PDE5A: variants seen among roughly 807,000 people sequenced by gnomAD.
The protein encoded by PDE5A is cGMP-specific 3',5'-cyclic phosphodiesterase.
PDE5A carries 67 observed loss-of-function variants against 110.2 expected under a neutral mutation model. The ratio of observed to expected loss-of-function variants is 0.61; its 90% CI spans 0.50 to 0.75. PDE5A has a LOEUF of 0.75. Among genes scored for constraint, PDE5A ranks in the 30% least tolerant of loss-of-function variants. PDE5A has a pLI of 0.00. For missense variants in PDE5A, 862 were observed against 1,045.1 expected (o/e 0.82, Z 2.42); for synonymous variants, 328 against 351.2 (o/e 0.93, Z 0.74).
intron 2 of PDE5A, among the ~76,000 whole-genome samples, chr4:119,604,580 A>C (rs1406843896): frequency 6.6e-6 from 1 of 152,216 alleles, no homozygotes; most frequent in Non-Finnish European, 1.5e-5. Flanking sequence ...GAGATACTCT[A>C]TGAAGACCAG....
At chr4:119,570,699 T>G (rs1269007248) in intron 3 of PDE5A, among the ~76,000 whole-genome samples, 1 of 152,056 alleles carries the variant, frequency 6.6e-6, no homozygotes, top group Non-Finnish European at 1.5e-5. Flanking sequence ...CATACATCAA[T>G]CCCAATACAT....
At chr4:119,539,167 A>G (rs1458837679) in intron 10 of PDE5A, 148 bp from the exon 11 acceptor site, 4 of 670,964 alleles carry the variant, frequency 6.0e-6, no homozygotes, top group Non-Finnish European at 1.1e-5. Context: ...TTTCTTCAAC[A>G]GTGAAAAACC....
At position 119,498,742 on chromosome 4, in the gene PDE5A, A is replaced by C. The variant is rs201183225; in HGVS notation, c.2491-4T>G. ...CCTCTGACACGTGGGTCAGGGCCTA[A>C]AGAGAAAAAAGAAAGCAAACAGCTA... On this transcript the variant is annotated splice_region_variant and splice_polypyrimidine_tract_variant and intron_variant, in intron 20 of 20. Transcript: ENST00000354960. 4.7e-5 allele frequency: 76 copies of C among 1,613,672 alleles called. No homozygotes were observed. The highest frequency in any genetic ancestry group is 6.0e-5 in the Non-Finnish European group (71 of 1,179,832).
chr4:119,521,555 T>TG (rs1392887966), intron 12 of PDE5A, among the ~76,000 whole-genome samples: 1 of 151,912 alleles, frequency 6.6e-6, no homozygotes, highest in East Asian at 1.9e-4. Context: ...TGCAAGGCCC[T>TG]GGGGGTGGAC....
chr4:119,508,656 C>T (rs1449808453), intron 15 of PDE5A, among the ~76,000 whole-genome samples: 1 of 151,958 alleles, frequency 6.6e-6, no homozygotes, highest in East Asian at 1.9e-4. Flanking sequence ...CAACCATAAA[C>T]ATTATTTTTA....
At chr4:119,516,669 C>T (rs897284833) in intron 14 of PDE5A, among the ~76,000 whole-genome samples, 8 of 152,046 alleles carry the variant, frequency 5.3e-5, no homozygotes, top group African/African-American at 1.4e-4. Flanking sequence ...CCCAGGCTGG[C>T]ATCAGTGGCG....
In PDE5A at chr4:119,565,209, A is replaced by G. The variant is rs185156970; in HGVS notation, c.993+112T>C. The G allele has an allele frequency of 2.5e-5, 17 of 687,352 alleles. No homozygotes were observed. The East Asian group carries it at 4.8e-4, about 19-fold the overall frequency. The allele number at this position is 687,352 out of a possible 1,614,324, so 42.6% of individuals were successfully genotyped here. A position where few individuals can be genotyped will look rare whatever the true frequency, so the allele number is the denominator to read the frequency against. On this transcript the variant is annotated intron_variant, in intron 5 of 20. Transcript: ENST00000354960. ...CTACTAGAAAAAATAAAGTATTGAG[A>G]AACTGAATCTGTACTATCTAAATTT...
chr4:119,549,789 G>C (rs941422180), intron 9 of PDE5A: 1 of 152,190 alleles, frequency 6.6e-6, no homozygotes, highest in Non-Finnish European at 1.5e-5. Context: ...GAAACACTGT[G>C]TATTAGCCAG....
chr4:119,619,972 T>A (rs536941062), intron 1 of PDE5A, among the ~76,000 whole-genome samples: 3 of 152,286 alleles, frequency 2.0e-5, no homozygotes, highest in African/African-American at 7.2e-5. Context: ...GTGCCAACCC[T>A]TGAGGGGCAT....
In PDE5A at chr4:119,628,505, G is replaced by A. The variant is rs752571093; in HGVS notation, c.152+15C>T. 2.6e-6 allele frequency: 4 copies of A among 1,547,198 alleles called. No homozygotes were observed. Among genetic ancestry groups the A allele is most frequent in the Non-Finnish European group, 2.6e-6 (3 of 1,140,818 alleles). On this transcript the variant is annotated intron_variant, in intron 1 of 20. Coordinates refer to ENST00000354960, the MANE Select transcript of PDE5A (RefSeq NM_001083.4). ...GAGAAATCAGCCCCGGGTCTTCCGT[G>A]GGTCCTCTTCTTACCTGGTGGCTTT...
At chr4:119,603,589 A>ATTTT (rs1729421974) in intron 2 of PDE5A, among the ~76,000 whole-genome samples, 1 of 147,998 alleles carries the variant, frequency 6.8e-6, no homozygotes, top group African/African-American at 2.5e-5. Context: ...GAATATACGA[A>ATTTT]TATGTTTTCT....
rs775461897 is a variant in PDE5A at position 119,507,642 on chromosome 4, CTTGA to C, written c.2147_2150del (p.Ile716SerfsTer5). ...CTAGGTCTGTAGCTAAAATAGCTTG[CTTGA>C]TTATTTTCAACGTGGTCTTATATTC... is the stretch of plus-strand genomic sequence containing the variant. On this transcript the variant is annotated frameshift_variant, in exon 16 of 21. Coordinates refer to ENST00000354960, the MANE Select transcript of PDE5A (RefSeq NM_001083.4). LOFTEE classifies it high-confidence loss of function. 5 of 1,582,296 alleles carry C rather than the reference CTTGA, an allele frequency of 3.2e-6. No individual in the cohort carries two copies. The highest frequency in any genetic ancestry group is 1.2e-5 in the South Asian group (1 of 86,000).
At chr4:119,507,062 T>G (rs1725582047) in intron 16 of PDE5A, among the ~76,000 whole-genome samples, 1 of 151,984 alleles carries the variant, frequency 6.6e-6, no homozygotes, top group Non-Finnish European at 1.5e-5. Context: ...AAAGGCAGTT[T>G]AATCATGAAA....
chr4:119,625,529 A>G (rs1328911763), intron 1 of PDE5A, among the ~76,000 whole-genome samples: 1 of 152,210 alleles, frequency 6.6e-6, no homozygotes, highest in Non-Finnish European at 1.5e-5. Context: ...TAATGCAGAA[A>G]TTGTTTTTAT....
intron 5 of PDE5A, 97 bp from the exon 6 acceptor site, chr4:119,563,067 C>T (rs796151564): frequency 1.0e-6 from 1 of 987,302 alleles, no homozygotes; most frequent in East Asian, 2.8e-5. Context: ...TATAACCTAG[C>T]AGGTTATGAT....
chr4:119,559,387 G>A (rs1419545559), intron 7 of PDE5A, among the ~76,000 whole-genome samples: 1 of 152,098 alleles, frequency 6.6e-6, no homozygotes, highest in African/African-American at 2.4e-5. Flanking sequence ...AAAAGATAAT[G>A]TAGATAATTC....
intron 14 of PDE5A, 110 bp from the exon 15 acceptor site, chr4:119,511,244 A>C: frequency 1.5e-6 from 1 of 655,630 alleles, no homozygotes; most frequent in Non-Finnish European, 2.8e-6. Context: ...TCACAAAATT[A>C]ATCAACTAAC....
intron 3 of PDE5A, among the ~76,000 whole-genome samples, chr4:119,579,244 C>A (rs1164927433): frequency 6.6e-6 from 1 of 152,110 alleles, no homozygotes; most frequent in Non-Finnish European, 1.5e-5. Flanking sequence ...GTTGGTGGGA[C>A]TGTAAACTAG....
In PDE5A at chr4:119,628,542, A is replaced by G. The variant is rs549339396; in HGVS notation, c.130T>C (p.Tyr44His). ...TACCTGGTGGCTTTTCTAACAAAGTATGAGAAGGTAAAGTCCCAGTGATCG... is the reference window on the plus strand; with the variant it reads ...TACCTGGTGGCTTTTCTAACAAAGTGTGAGAAGGTAAAGTCCCAGTGATCG... ...LDDHWDFTFSYFVRKATREMV... is the reference protein window; with the variant it reads ...LDDHWDFTFSHFVRKATREMV... The change falls in exon 1 of 21, where the codon TAC becomes CAC. Residue 44 changes from tyrosine (Y) to histidine (H), a missense_variant. By Grantham distance (83) the Tyr-to-His change is moderately conservative (BLOSUM62 2). Coordinates refer to ENST00000354960, the MANE Select transcript of PDE5A (RefSeq NM_001083.4). The G allele has an allele frequency of 1.5e-5, 24 of 1,593,344 alleles. No homozygotes were observed. The South Asian group carries it at 2.4e-4, about 16-fold the overall frequency.
Sources: gnomAD v4.1 joint callset for allele counts (sites outside exome capture counted in the v4.1 genomes callset) on GRCh38, gnomAD v4.1.1 for gene constraint, MANE v1.5 for transcripts, NCBI Gene and HGNC (gene_info 2026-07-23, HGNC 2026-07-21) for gene names.